Variants in CDH18 observed in about 807,000 individuals in gnomAD.
CDH18 encodes cadherin-18.
Under a neutral mutation model 67.9 loss-of-function variants are expected in CDH18, and 31 were observed. The observed-to-expected ratio is 0.46, with a 90% CI of 0.34 to 0.62. The LOEUF (loss-of-function observed/expected upper bound fraction) is 0.62. Ranked by LOEUF, CDH18 falls within the 20% of genes least tolerant of loss-of-function variation. The probability of loss-of-function intolerance (pLI) is 0.01; values close to 1 mark genes in which losing one functional copy is unlikely to be tolerated. For synonymous variants in CDH18, 362 were observed against 347.2 expected, an observed-to-expected ratio of 1.04 and a Z score of -0.48; for missense variants, 890 against 975.5, an observed-to-expected ratio of 0.91 and a Z score of 1.17.
At chr5:20,431,441 C>T (rs966240790) in intron 1 of CDH18, among the ~76,000 whole-genome samples, 2 of 147,608 alleles carry the variant, frequency 1.4e-5, no homozygotes, top group Non-Finnish European at 3.0e-5. Flanking sequence ...CTGCAGTGAA[C>T]CGAGTTTGTG....
intron 2 of CDH18, among the ~76,000 whole-genome samples, chr5:19,910,003 T>C (rs946847760): frequency 1.1e-4 from 17 of 152,190 alleles, no homozygotes; most frequent in African/African-American, 4.1e-4. Flanking sequence ...AGTTCATTCT[T>C]GCCGTAATAA....
chr5:19,720,547 CAT>C (rs1215944072), intron 5 of CDH18, among the ~76,000 whole-genome samples: 1 of 152,098 alleles, frequency 6.6e-6, no homozygotes, highest in African/African-American at 2.4e-5. Context: ...TCAATGGGGA[CAT>C]GTGATTTTTT....
chr5:20,308,667 T>A (rs1736710129), intron 1 of CDH18, among the ~76,000 whole-genome samples: 1 of 152,078 alleles, frequency 6.6e-6, no homozygotes, highest in African/African-American at 2.4e-5. Context: ...GTTATTAAGG[T>A]AAACAAGCAT....
intron 2 of CDH18, among the ~76,000 whole-genome samples, chr5:20,146,452 T>C (rs1303988854): frequency 6.6e-6 from 1 of 152,060 alleles, no homozygotes; most frequent in Admixed American, 6.6e-5. Flanking sequence ...TATAATATAA[T>C]TGAATTGTGT....
intron 3 of CDH18, among the ~76,000 whole-genome samples, chr5:19,826,893 G>A (rs1156257510): frequency 6.6e-6 from 1 of 152,012 alleles, no homozygotes; most frequent in Non-Finnish European, 1.5e-5. Flanking sequence ...TATTAACCTC[G>A]AATGTAAATG....
chr5:19,921,889 A>G (rs1188671542), intron 2 of CDH18, among the ~76,000 whole-genome samples: 1 of 152,034 alleles, frequency 6.6e-6, no homozygotes, highest in Non-Finnish European at 1.5e-5. Flanking sequence ...TACAACCCAT[A>G]TAACCAAAGG....
At chr5:19,800,857 C>T (rs530379307) in intron 3 of CDH18, among the ~76,000 whole-genome samples, 1 of 152,142 alleles carries the variant, frequency 6.6e-6, no homozygotes, top group Non-Finnish European at 1.5e-5. Context: ...GTACTACATT[C>T]ATAATAATCC....
chr5:20,201,287 A>T (rs1237121032), intron 2 of CDH18, among the ~76,000 whole-genome samples: 1 of 151,994 alleles, frequency 6.6e-6, no homozygotes, highest in Non-Finnish European at 1.5e-5. Context: ...CATGAATCAC[A>T]TTGGATCTGA....
chr5:20,303,865 A>G (rs551714332), intron 1 of CDH18, among the ~76,000 whole-genome samples: 1 of 152,222 alleles, frequency 6.6e-6, no homozygotes, highest in East Asian at 1.9e-4. Flanking sequence ...TTAAGAAGGG[A>G]GAGTGCGGTT....
intron 1 of CDH18, among the ~76,000 whole-genome samples, chr5:20,289,580 G>A (rs1000387066): frequency 6.6e-6 from 1 of 151,954 alleles, no homozygotes; most frequent in Non-Finnish European, 1.5e-5. Flanking sequence ...TAGGACCACA[G>A]TCAATATCTT....
intron 2 of CDH18, among the ~76,000 whole-genome samples, chr5:19,962,350 C>T (rs530936462): frequency 1.6e-4 from 15 of 92,378 alleles, no homozygotes; most frequent in East Asian, 3.4e-4. Context: ...GTGATTACTT[C>T]GTAATTTAGA....
chr5:19,638,109 A>C (rs1023006037), intron 5 of CDH18, among the ~76,000 whole-genome samples: 6 of 152,216 alleles, frequency 3.9e-5, no homozygotes, highest in Non-Finnish European at 8.8e-5. Flanking sequence ...CCTTATATGA[A>C]TGCTTATTCA....
chr5:20,533,439 T>G (rs115467330), intron 1 of CDH18, among the ~76,000 whole-genome samples: 5,491 of 152,156 alleles, frequency 0.036, 315 homozygotes, highest in African/African-American at 0.12. Flanking sequence ...AGGGAAGCAG[T>G]AGACATGCAA....
At chr5:19,724,154 T>A (rs1314100957) in intron 4 of CDH18, among the ~76,000 whole-genome samples, 1 of 152,188 alleles carries the variant, frequency 6.6e-6, no homozygotes, top group Admixed American at 6.5e-5. Context: ...AACTGGTACA[T>A]TCATACTATG....
chr5:20,444,383 G>A (rs961104031), intron 1 of CDH18, among the ~76,000 whole-genome samples: 5 of 152,142 alleles, frequency 3.3e-5, no homozygotes, highest in Admixed American at 1.3e-4. Flanking sequence ...ATTTAACTGA[G>A]TTACATGTTG....
intron 10 of CDH18, among the ~76,000 whole-genome samples, chr5:19,508,582 T>C (rs1038897456): frequency 6.6e-6 from 1 of 151,510 alleles, no homozygotes; most frequent in African/African-American, 2.4e-5. Context: ...TGAAAAAAAA[T>C]AGACAGTTGC....
At chr5:20,475,081 A>G (rs747586574) in intron 1 of CDH18, among the ~76,000 whole-genome samples, 8 of 152,196 alleles carry the variant, frequency 5.3e-5, no homozygotes, top group Non-Finnish European at 1.0e-4. Flanking sequence ...TCATCTTGTT[A>G]TAACAAAATC....
chr5:19,967,360 C>A (rs909067409), intron 2 of CDH18, among the ~76,000 whole-genome samples: 1 of 152,014 alleles, frequency 6.6e-6, no homozygotes, highest in Admixed American at 6.6e-5. Flanking sequence ...AAGATTCATT[C>A]AACTGTTAAG....
intron 1 of CDH18, among the ~76,000 whole-genome samples, chr5:20,260,914 T>C (rs1744602620): frequency 6.6e-6 from 1 of 152,178 alleles, no homozygotes; most frequent in South Asian, 2.1e-4. Context: ...GAGAAGACCT[T>C]GAGCCTCAGG....
Sources: allele counts gnomAD v4.1 joint callset (sites outside exome capture counted in the v4.1 genomes callset), GRCh38; gene constraint gnomAD v4.1.1; transcripts MANE v1.5; gene names NCBI Gene and HGNC (gene_info 2026-07-23, HGNC 2026-07-21).